ST6GALNAC3: variants seen among roughly 807,000 people sequenced by gnomAD.
ST6GALNAC3 encodes ST6 N-acetylgalactosaminide alpha-2,6-sialyltransferase 3.
In ST6GALNAC3, 25 loss-of-function variants were observed where a neutral mutation model predicts 32.7. The observed-to-expected ratio is 0.76, with a 90% CI of 0.56 to 1.07. The LOEUF (loss-of-function observed/expected upper bound fraction) is 1.07, where lower values mean the gene tolerates loss of function less well. Ranked by LOEUF, ST6GALNAC3 falls within the 50% of genes least tolerant of loss-of-function variation. ST6GALNAC3 has a pLI of 0.00. For missense variants in ST6GALNAC3, 355 were observed against 382.4 expected (o/e 0.93, Z 0.60); for synonymous variants, 129 against 133.1 (o/e 0.97, Z 0.21).
At chr1:76,260,595 C>T (rs754958827) in intron 1 of ST6GALNAC3, among the ~76,000 whole-genome samples, 16 of 152,254 alleles carry the variant, frequency 1.1e-4, no homozygotes, top group Middle Eastern at 3.4e-3. Flanking sequence ...GGAAGTAAGT[C>T]GTGGAGATGA....
At chr1:76,636,709 G>T (rs927304290), downstream of ST6GALNAC3, among the ~76,000 whole-genome samples, 1 of 151,802 alleles carries the variant, frequency 6.6e-6, no homozygotes, top group African/African-American at 2.4e-5. Context: ...AACACTAATA[G>T]AATTTTGCAT....
At chr1:76,275,481 A>G (rs775875715) in intron 1 of ST6GALNAC3, among the ~76,000 whole-genome samples, 4 of 152,104 alleles carry the variant, frequency 2.6e-5, no homozygotes, top group African/African-American at 4.8e-5. Flanking sequence ...TACCATGCCA[A>G]AATTCTGGTC....
chr1:76,452,127 G>A (rs558029044), intron 3 of ST6GALNAC3, among the ~76,000 whole-genome samples: 1 of 152,160 alleles, frequency 6.6e-6, no homozygotes, highest in Non-Finnish European at 1.5e-5. Flanking sequence ...TGTTGTGGGA[G>A]GGACATGATG....
intron 1 of ST6GALNAC3, among the ~76,000 whole-genome samples, chr1:76,161,911 T>C (rs1651834839): frequency 6.6e-6 from 1 of 152,210 alleles, no homozygotes; most frequent in East Asian, 1.9e-4. Context: ...TCAAATATTG[T>C]CAGGCTTTGG....
chr1:76,609,015 C>T (rs111452310), intron 3 of ST6GALNAC3, among the ~76,000 whole-genome samples: 279 of 152,214 alleles, frequency 1.8e-3, no homozygotes, highest in Middle Eastern at 0.014. Context: ...TACTTTCTAA[C>T]TGTTGTTTCT....
intron 1 of ST6GALNAC3, among the ~76,000 whole-genome samples, chr1:76,282,372 T>C (rs1000876655): frequency 4.6e-5 from 7 of 152,200 alleles, no homozygotes; most frequent in Non-Finnish European, 1.0e-4. Flanking sequence ...GCAATTATAC[T>C]ATACTTAATC....
intron 1 of ST6GALNAC3, among the ~76,000 whole-genome samples, chr1:76,298,391 A>G (rs1660534045): frequency 6.6e-6 from 1 of 152,038 alleles, no homozygotes; most frequent in Non-Finnish European, 1.5e-5. Context: ...ATTAGAAAGT[A>G]TCATAAACCA....
At chr1:76,400,903 A>G (rs545253680) in intron 2 of ST6GALNAC3, among the ~76,000 whole-genome samples, 40 of 26,880 alleles carry the variant, frequency 1.5e-3, no homozygotes, top group Non-Finnish European at 1.6e-3. Context: ...CTCAAAAAAG[A>G]AAAAAAAAAA....
rs141835859 is a variant in ST6GALNAC3 at position 76,097,680 on chromosome 1, T to C, written c.18+22796T>C. On this transcript the variant is annotated intron_variant, in intron 1 of 4. Coordinates refer to ENST00000328299, the MANE Select transcript of ST6GALNAC3 (RefSeq NM_152996.4). ...TCCATGTTGTGGTGTATAGCTGTAG[T>C]TCATTCATCTTACTTGCTATATTTC... is the stretch of plus-strand genomic sequence containing the variant. 2.2e-4 allele frequency among the ~76,000 whole-genome samples: 34 copies of C among 152,346 alleles called. 2 individuals carry two copies. The East Asian group carries it at 5.2e-3, about 23-fold the overall frequency.
intron 1 of ST6GALNAC3, among the ~76,000 whole-genome samples, chr1:76,287,652 T>G (rs3862900): frequency 0.31 from 47,626 of 152,024 alleles, 8,548 homozygotes; most frequent in Non-Finnish European, 0.41. Context: ...TCGCAGGCAT[T>G]ATAAAAGCCA....
chr1:76,149,268 CA>C (rs1650889548), intron 1 of ST6GALNAC3, among the ~76,000 whole-genome samples: 5 of 152,108 alleles, frequency 3.3e-5, no homozygotes, highest in Admixed American at 3.3e-4. Context: ...GCCATTCAAC[CA>C]TGTATAGTGA....
chr1:76,261,226 A>G (rs1368375343), intron 1 of ST6GALNAC3, among the ~76,000 whole-genome samples: 1 of 152,192 alleles, frequency 6.6e-6, no homozygotes, highest in African/African-American at 2.4e-5. Flanking sequence ...TCTGTCTTTT[A>G]ATGGCTACAT....
chr1:76,497,780 A>T (rs1178485252), intron 3 of ST6GALNAC3, among the ~76,000 whole-genome samples: 1 of 152,058 alleles, frequency 6.6e-6, no homozygotes, highest in Non-Finnish European at 1.5e-5. Flanking sequence ...CAAAGCCCAT[A>T]CTCTCAACGG....
chr1:76,174,794 G>C (rs183135376), intron 1 of ST6GALNAC3, among the ~76,000 whole-genome samples: 2 of 151,548 alleles, frequency 1.3e-5, no homozygotes, highest in East Asian at 3.9e-4. Flanking sequence ...AGCCTCCCAA[G>C]TAGCTGGGAT....
chr1:76,199,024 G>A (rs1036120739), intron 1 of ST6GALNAC3, among the ~76,000 whole-genome samples: 1 of 150,958 alleles, frequency 6.6e-6, no homozygotes, highest in Admixed American at 6.6e-5. Context: ...GGATGTGGCA[G>A]TGTCAGACAA....
chr1:76,510,101 A>G (rs1034740543), intron 3 of ST6GALNAC3, among the ~76,000 whole-genome samples: 3 of 152,176 alleles, frequency 2.0e-5, no homozygotes, highest in Non-Finnish European at 4.4e-5. Context: ...GTTAAAACAT[A>G]GTGGTTCTGC....
intron 3 of ST6GALNAC3, among the ~76,000 whole-genome samples, chr1:76,525,751 GTATA>G (rs1188357999): frequency 8.3e-6 from 1 of 119,786 alleles, no homozygotes; most frequent in Non-Finnish European, 1.8e-5. Flanking sequence ...ATATATATGT[GTATA>G]TATGTGTATG....
At chr1:76,409,394 C>T (rs901449300) in intron 2 of ST6GALNAC3, among the ~76,000 whole-genome samples, 2 of 151,998 alleles carry the variant, frequency 1.3e-5, no homozygotes, top group Non-Finnish European at 1.5e-5. Context: ...CAAATAAACA[C>T]ATGCCTTTGT....
At chr1:76,214,840 T>C (rs517036) in intron 1 of ST6GALNAC3, among the ~76,000 whole-genome samples, 26,129 of 152,060 alleles carry the variant, frequency 0.17, 2,383 homozygotes, top group Middle Eastern at 0.23. Context: ...TAACCAGTCA[T>C]GAGAAGTAGC....
Sources: allele counts gnomAD v4.1 joint callset (sites outside exome capture counted in the v4.1 genomes callset), GRCh38; gene constraint gnomAD v4.1.1; transcripts MANE v1.5; gene names NCBI Gene and HGNC (gene_info 2026-07-23, HGNC 2026-07-21).